NLGN1: variants seen among roughly 807,000 people sequenced by gnomAD.
NLGN1 encodes neuroligin 1.
In NLGN1, 12 loss-of-function variants were observed where a neutral mutation model predicts 65.5. The observed-to-expected ratio is 0.18, with a 90% CI of 0.12 to 0.30. NLGN1 has a LOEUF of 0.30. Ranked by LOEUF, NLGN1 falls within the 10% of genes least tolerant of loss-of-function variation. NLGN1 has a pLI of 1.00. For synonymous variants in NLGN1, 350 were observed against 359.5 expected (o/e 0.97, Z 0.30); for missense variants, 750 against 1,007.1 (o/e 0.74, Z 3.46).
intron 4 of NLGN1, among the ~76,000 whole-genome samples, chr3:174,025,532 C>A (rs1193274829): frequency 6.6e-6 from 1 of 151,830 alleles, no homozygotes; most frequent in African/African-American, 2.4e-5. Flanking sequence ...TTTAGGGACT[C>A]CAAGAGAAAA....
At chr3:174,030,565 C>A (rs1486354882) in intron 4 of NLGN1, among the ~76,000 whole-genome samples, 1 of 152,150 alleles carries the variant, frequency 6.6e-6, no homozygotes, top group Non-Finnish European at 1.5e-5. Flanking sequence ...TATTGTGATT[C>A]TTAATTTCAG....
At chr3:173,717,156 T>C (rs1769998276) in intron 3 of NLGN1, among the ~76,000 whole-genome samples, 1 of 152,192 alleles carries the variant, frequency 6.6e-6, no homozygotes, top group Non-Finnish European at 1.5e-5. Context: ...GGTATGGTGA[T>C]GCCATAGCAA....
intron 4 of NLGN1, among the ~76,000 whole-genome samples, chr3:174,213,260 T>G (rs1204413555): frequency 6.6e-6 from 1 of 152,242 alleles, no homozygotes; most frequent in Admixed American, 6.5e-5. Flanking sequence ...TTTTGGGTGC[T>G]AATAAATTCT....
intron 4 of NLGN1, among the ~76,000 whole-genome samples, chr3:173,935,926 C>T (rs985943927): frequency 6.6e-6 from 1 of 151,912 alleles, no homozygotes; most frequent in Non-Finnish European, 1.5e-5. Context: ...TACTGCTCCC[C>T]ATGGACAGTG....
intron 4 of NLGN1, among the ~76,000 whole-genome samples, chr3:174,031,444 T>C (rs901932682): frequency 1.3e-5 from 2 of 152,088 alleles, no homozygotes; most frequent in Non-Finnish European, 2.9e-5. Context: ...CAACAGATAT[T>C]TGAGATAAAG....
At chr3:173,487,843 T>A (rs1199698594) in intron 2 of NLGN1, among the ~76,000 whole-genome samples, 3 of 152,032 alleles carry the variant, frequency 2.0e-5, no homozygotes, top group Non-Finnish European at 2.9e-5. Flanking sequence ...TGTTATGTTT[T>A]AATAGTTTTT....
intron 4 of NLGN1, among the ~76,000 whole-genome samples, chr3:173,901,560 G>A (rs957920644): frequency 2.0e-5 from 3 of 151,654 alleles, no homozygotes; most frequent in African/African-American, 4.8e-5. Context: ...GTAAGACTTC[G>A]GTATGTATGA....
intron 4 of NLGN1, among the ~76,000 whole-genome samples, chr3:174,081,585 A>G (rs960048394): frequency 2.1e-5 from 3 of 144,294 alleles, no homozygotes; most frequent in African/African-American, 7.9e-5. Context: ...CCATCAAATT[A>G]GTGATTAGGT....
At chr3:173,874,890 G>A (rs1731831183) in intron 4 of NLGN1, among the ~76,000 whole-genome samples, 2 of 152,274 alleles carry the variant, frequency 1.3e-5, no homozygotes, top group African/African-American at 4.8e-5. Context: ...TCTGACATTA[G>A]GGGTAGAGAA....
At chr3:174,230,025 T>C (rs145736308) in intron 4 of NLGN1, among the ~76,000 whole-genome samples, 1 of 152,338 alleles carries the variant, frequency 6.6e-6, no homozygotes, top group Non-Finnish European at 1.5e-5. Context: ...CCCCATTTCA[T>C]TGTAGTCTTC....
intron 2 of NLGN1, among the ~76,000 whole-genome samples, chr3:173,591,280 T>G (rs2149397747): frequency 6.6e-6 from 1 of 152,276 alleles, no homozygotes; most frequent in Admixed American, 6.5e-5. Context: ...TTTTGAATTT[T>G]GTTATTGTTA....
intron 2 of NLGN1, among the ~76,000 whole-genome samples, chr3:173,503,570 ATTAT>A (rs966261391): frequency 4.9e-4 from 75 of 152,220 alleles, no homozygotes; most frequent in Admixed American, 2.6e-4. Context: ...TTTAAATTAA[ATTAT>A]TTGTTTTTCA....
chr3:174,001,050 C>T (rs1475414873), intron 4 of NLGN1, among the ~76,000 whole-genome samples: 1 of 152,140 alleles, frequency 6.6e-6, no homozygotes, highest in African/African-American at 2.4e-5. Flanking sequence ...TTCTACTTTG[C>T]ATGTTGGGTG....
intron 3 of NLGN1, among the ~76,000 whole-genome samples, chr3:173,797,698 A>C (rs1714435027): frequency 6.8e-6 from 1 of 147,596 alleles, no homozygotes; most frequent in Non-Finnish European, 1.5e-5. Flanking sequence ...AACAACAACA[A>C]CAAAAAAAAA....
intron 4 of NLGN1, among the ~76,000 whole-genome samples, chr3:174,268,684 T>C (rs778420178): frequency 6.6e-6 from 1 of 152,092 alleles, no homozygotes; most frequent in Non-Finnish European, 1.5e-5. Context: ...GGTGAAAGTT[T>C]GGAATTTGGA....
intron 3 of NLGN1, among the ~76,000 whole-genome samples, chr3:173,693,356 A>G (rs1388707795): frequency 6.6e-6 from 1 of 152,090 alleles, no homozygotes; most frequent in Non-Finnish European, 1.5e-5. Context: ...AAATTCCTTC[A>G]TGAATAGGGA....
intron 4 of NLGN1, among the ~76,000 whole-genome samples, chr3:173,860,920 G>A (rs537999160): frequency 4.1e-4 from 63 of 152,186 alleles, no homozygotes; most frequent in African/African-American, 1.4e-3. Context: ...AGGCCTGTGG[G>A]GGACAGATGT....
In NLGN1 at chr3:173,724,418, G is replaced by A. The variant is rs151001262; in HGVS notation, c.494-83262G>A. 3.9e-4 allele frequency: 69 copies of A among 175,578 alleles called. 1 individual carries two copies. The East Asian group carries it at 0.011, about 29-fold the overall frequency. 10.9% of individuals were successfully genotyped at this position (175,578 alleles called of 1,614,324 possible). A position where few individuals can be genotyped will look rare whatever the true frequency, so the allele number is the denominator to read the frequency against. On this transcript the variant is annotated intron_variant, in intron 3 of 6. Coordinates refer to ENST00000457714, the Ensembl canonical transcript of NLGN1. Reference sequence around the variant, plus strand: ...AGCCTCCTGAGTAGCTGAGATTACAGGCATGCACCACCATGCCCAGCTAAT... The same window carrying A: ...AGCCTCCTGAGTAGCTGAGATTACAAGCATGCACCACCATGCCCAGCTAAT...
intron 4 of NLGN1, among the ~76,000 whole-genome samples, chr3:173,913,137 G>A (rs1247810080): frequency 6.6e-6 from 1 of 152,028 alleles, no homozygotes; most frequent in Non-Finnish European, 1.5e-5. Context: ...GCATGTTCTT[G>A]GTATTCCCTG....
Sources: gnomAD v4.1 joint callset for allele counts (sites outside exome capture counted in the v4.1 genomes callset) on GRCh38, gnomAD v4.1.1 for gene constraint, MANE v1.5 for transcripts, NCBI Gene and HGNC (gene_info 2026-07-23, HGNC 2026-07-21) for gene names.